Variants in UHRF1 observed in about 807,000 individuals in gnomAD.
UHRF1 encodes the protein E3 ubiquitin-protein ligase UHRF1.
Under a neutral mutation model 96.5 loss-of-function variants are expected in UHRF1, and 9 were observed. The observed-to-expected ratio is 0.09, with a 90% CI of 0.06 to 0.16. The LOEUF (loss-of-function observed/expected upper bound fraction) is 0.16. UHRF1 is among the 10% of genes least tolerant of loss of function. UHRF1 has a pLI of 1.00. For missense variants in UHRF1, 626 were observed against 1,131.1 expected (o/e 0.55, Z 6.40); for synonymous variants, 455 against 469.9 (o/e 0.97, Z 0.41).
At chr19:4,923,129 C>T (rs998787238) in intron 2 of UHRF1, among the ~76,000 whole-genome samples, 3 of 152,312 alleles carry the variant, frequency 2.0e-5, no homozygotes, top group South Asian at 2.1e-4. Flanking sequence ...TGCCCCCCTG[C>T]CTACCCGCCA....
At chr19:4,947,059 T>C in intron 10 of UHRF1, 46 bp from the exon 11 acceptor site, 1 of 1,464,592 alleles carries the variant, frequency 6.8e-7, no homozygotes, top group Non-Finnish European at 9.4e-7. Context: ...TCTTTTTTTT[T>C]TTTTGCCTCT....
chr19:4,957,868 T>C (rs1192803106), intron 16 of UHRF1, among the ~76,000 whole-genome samples: 2 of 152,148 alleles, frequency 1.3e-5, no homozygotes, highest in Admixed American at 6.5e-5. Context: ...GTCTGGGTGA[T>C]GGTTTCTCTG....
intron 2 of UHRF1, among the ~76,000 whole-genome samples, chr19:4,913,316 C>A (rs561337749): frequency 7.3e-6 from 1 of 137,266 alleles, no homozygotes; most frequent in African/African-American, 2.8e-5. Flanking sequence ...TGCAGTGGCT[C>A]GATCTGGGCT....
chr19:4,944,542 AGGGTGGTT>A, intron 9 of UHRF1, 92 bp downstream of exon 9: 1 of 1,446,336 alleles, frequency 6.9e-7, no homozygotes, highest in East Asian at 2.3e-5. Context: ...GCCAGGGGTC[AGGGTGGTT>A]ACCAGTGGTG....
chr19:4,934,260 C>A (rs1363688107), intron 5 of UHRF1, among the ~76,000 whole-genome samples: 1 of 152,052 alleles, frequency 6.6e-6, no homozygotes, highest in African/African-American at 2.4e-5. Context: ...TCTCGAACTC[C>A]TGACCTCAAG....
chr19:4,909,673 G>A lies in UHRF1; in HGVS notation c.-11+18G>A. The A allele has an allele frequency of 1.9e-6, 1 of 522,718 alleles. No homozygotes were observed. The highest frequency in any genetic ancestry group is 3.3e-6 in the Non-Finnish European group (1 of 299,650). 32.4% of individuals were successfully genotyped at this position (522,718 alleles called of 1,614,324 possible). A position where few individuals can be genotyped will look rare whatever the true frequency, so the allele number is the denominator to read the frequency against. ...CCGGAGAGGTGAGCGGGCGGGCCGG[G>A]TCGGGGTGCCAGCCCGGGCCGGGCG... On this transcript the variant is annotated intron_variant, in intron 1 of 16. Transcript: ENST00000650932.
chr19:4,956,963 C>T, intron 16 of UHRF1, 150 bp downstream of exon 16: 2 of 659,942 alleles, frequency 3.0e-6, no homozygotes, highest in Non-Finnish European at 5.4e-6. Context: ...TGACTGCTTT[C>T]TGGGCAGCCT....
intron 2 of UHRF1, among the ~76,000 whole-genome samples, chr19:4,921,722 C>A (rs2656923): frequency 0.44 from 67,089 of 151,132 alleles, 15,299 homozygotes; most frequent in Middle Eastern, 0.51. Flanking sequence ...GTGCCACTGC[C>A]CTCCAGCCTG....
upstream of UHRF1, among the ~76,000 whole-genome samples, chr19:4,906,352 A>G (rs2032064200): frequency 6.6e-6 from 1 of 152,170 alleles, no homozygotes; most frequent in South Asian, 2.1e-4. Context: ...CCCTCAATCA[A>G]CAGTCCTCAG....
At chr19:4,912,164 C>G (rs767899257) in intron 2 of UHRF1, among the ~76,000 whole-genome samples, 27 of 152,122 alleles carry the variant, frequency 1.8e-4, no homozygotes, top group Non-Finnish European at 3.5e-4. Context: ...CGCCCTGCCC[C>G]GGGAGGAGGC....
chr19:4,914,572 A>AG lies in UHRF1; in HGVS notation c.153+3537dup, dbSNP rs1472934165. ...GATGTCACTTGATGGGCGGGAACGC[A>AG]GGGAGCTGATCGAGGGCAGTGACTT... On this transcript the variant is annotated intron_variant, in intron 2 of 16. Coordinates refer to ENST00000650932, the MANE Select transcript of UHRF1 (RefSeq NM_001048201.3). 4.6e-5 allele frequency among the ~76,000 whole-genome samples: 7 copies of AG among 151,944 alleles called. No individual in the cohort carries two copies. The East Asian group carries it at 1.4e-3, about 29-fold the overall frequency.
In UHRF1 at chr19:4,945,985, G is replaced by C. The variant is rs532566455; in HGVS notation, c.1410+20G>C. ...GATGTGGTGAGTGTGTGTGTGGGAG[G>C]GGTGGGGGAGGGTTGCTCTAGTTTT... On this transcript the variant is annotated intron_variant, in intron 10 of 16. Transcript: ENST00000650932. The C allele has an allele frequency of 3.4e-6, 4 of 1,185,260 alleles. 1 individual carries two copies. The East Asian group carries it at 1.1e-4, about 32-fold the overall frequency. 73.4% of individuals were successfully genotyped at this position (1,185,260 alleles called of 1,614,324 possible).
At chr19:4,946,004 T>C in intron 10 of UHRF1, 39 bp downstream of exon 10, 1 of 1,420,660 alleles carries the variant, frequency 7.0e-7, no homozygotes, top group Non-Finnish European at 9.7e-7. Flanking sequence ...AGGGTTGCTC[T>C]AGTTTTTTGG....
At chr19:4,915,504 A>G (rs2032460752) in intron 2 of UHRF1, among the ~76,000 whole-genome samples, 1 of 152,196 alleles carries the variant, frequency 6.6e-6, no homozygotes, top group African/African-American at 2.4e-5. Context: ...ACCTGAGGTC[A>G]GGAGTTCTAG....
At position 4,929,246 on chromosome 19, in the gene UHRF1, G is replaced by A; in HGVS notation, c.178G>A (p.Asp60Asn). Residue 60 changes from aspartate to asparagine, a missense_variant, in exon 3 of 17, where the codon GAC (aspartate) becomes AAC (asparagine). Physicochemically the swap from Asp to Asn is conservative, Grantham distance 23. This residue lies in a region of UHRF1 where 53 missense variants were observed against 95.9 expected (regional missense o/e 0.55). Coordinates refer to ENST00000650932, the MANE Select transcript of UHRF1 (RefSeq NM_001048201.3). Reference sequence around the variant, plus strand: ...GATGGAGGACGGCCATACCCTCTTCGACTACGAGGTCCGCCTGAATGACAC... The same window carrying A: ...GATGGAGGACGGCCATACCCTCTTCAACTACGAGGTCCGCCTGAATGACAC... ...KQMEDGHTLF[D>N]YEVRLNDTIQ... 6.2e-7 allele frequency: 1 copy of A among 1,613,822 alleles called. No homozygotes were observed. Among genetic ancestry groups the A allele is most frequent in the Non-Finnish European group, 8.5e-7 (1 of 1,179,836 alleles).
chr19:4,930,200 C>A lies in UHRF1; in HGVS notation c.409-516C>A, dbSNP rs962574216. ...ATGTTGGCCAGGCTAGTCTTGAACT[C>A]CTGGCCTCAAGTGATCTTCCCGCCG... On this transcript the variant is annotated intron_variant, in intron 3 of 16. Coordinates refer to ENST00000650932, the MANE Select transcript of UHRF1 (RefSeq NM_001048201.3). The surrounding 1 kb of genome is among the most constrained non-coding windows in gnomAD (Gnocchi z 4.4). 6.6e-6 allele frequency among the ~76,000 whole-genome samples: 1 copy of A among 152,158 alleles called. No individual in the cohort carries two copies. The highest frequency in any genetic ancestry group is 1.5e-5 in the Non-Finnish European group (1 of 68,044).
In UHRF1 at chr19:4,941,806, C is replaced by T. The variant is rs755639437; in HGVS notation, c.948C>T (p.Cys316=). The change falls in exon 7 of 17, where the codon TGC becomes TGT. Residue 316 remains cysteine, a synonymous_variant. Transcript: ENST00000650932. ...ACGTGAACAGACTCTGCCGGGTCTGCGCCTGCCACCTGTGCGGGGGCCGGC... is the reference window on the plus strand; with the variant it reads ...ACGTGAACAGACTCTGCCGGGTCTGTGCCTGCCACCTGTGCGGGGGCCGGC... The part of the protein sequence containing the change: ...KDDVNRLCRV[C]ACHLCGGRQD... 160 of 1,576,910 alleles carry T rather than the reference C, an allele frequency of 1.0e-4. No individual in the cohort carries two copies. Among genetic ancestry groups the T allele is most frequent in the Non-Finnish European group, 1.3e-4 (146 of 1,161,738 alleles).
At chr19:4,937,590 C>T (rs1286947553) in intron 5 of UHRF1, among the ~76,000 whole-genome samples, 1 of 152,144 alleles carries the variant, frequency 6.6e-6, no homozygotes, top group East Asian at 1.9e-4. Flanking sequence ...TCTTGAACTC[C>T]TGACCTCAGG....
At chr19:4,934,788 A>T (rs1351571379) in intron 5 of UHRF1, among the ~76,000 whole-genome samples, 1 of 152,000 alleles carries the variant, frequency 6.6e-6, no homozygotes, top group African/African-American at 2.4e-5. Flanking sequence ...GAGGTCAGTG[A>T]GCTGCGGGTG....
Sources: gnomAD v4.1 joint callset for allele counts (sites outside exome capture counted in the v4.1 genomes callset) on GRCh38, gnomAD v4.1.1 for gene constraint, gnomAD v4.1.1 regional missense constraint, Gnocchi (gnomAD v3.1) non-coding constraint, MANE v1.5 for transcripts, NCBI Gene and HGNC (gene_info 2026-07-23, HGNC 2026-07-21) for gene names.